The following EHBP1L1 variants were observed in gnomAD, a reference collection of about 807,000 sequenced individuals.
EHBP1L1 encodes EH domain-binding protein 1-like protein 1.
Under a neutral mutation model 151.1 loss-of-function variants are expected in EHBP1L1, and 122 were observed. The observed-to-expected ratio is 0.81, with a 90% CI of 0.70 to 0.94. The LOEUF is 0.94. Ranked by LOEUF, EHBP1L1 falls within the 40% of genes least tolerant of loss-of-function variation. The probability of loss-of-function intolerance (pLI) is 0.00; values close to 1 mark genes in which losing one functional copy is unlikely to be tolerated. For synonymous variants in EHBP1L1, 878 were observed against 810.1 expected (o/e 1.08, Z -1.42); for missense variants, 1,941 against 1,959.8 (o/e 0.99, Z 0.18).
At position 65,585,605 on chromosome 11, in the gene EHBP1L1, T is replaced by G. The variant is rs1590829947; in HGVS notation, c.3933+14T>G. ...GCTGCGGCTGCAGTGAGTGTCAAGGTCCTTCTTTCTTCCCCCGCCGCAGCG... is the reference window on the plus strand; with the variant it reads ...GCTGCGGCTGCAGTGAGTGTCAAGGGCCTTCTTTCTTCCCCCGCCGCAGCG... On this transcript the variant is annotated intron_variant, in intron 12 of 18. Coordinates refer to ENST00000309295, the MANE Select transcript of EHBP1L1 (RefSeq NM_001099409.3). This position sits in a 1 kb window ranked among gnomAD's most constrained non-coding sequence, Gnocchi z 4.0. 1 of 1,560,716 alleles carries G rather than the reference T, an allele frequency of 6.4e-7. No individual in the cohort carries two copies. Among genetic ancestry groups the G allele is most frequent in the Non-Finnish European group, 8.6e-7 (1 of 1,160,514 alleles).
chr11:65,590,191 G>A lies in EHBP1L1; in HGVS notation c.4164G>A (p.Leu1388=), dbSNP rs187407104. 2 of 1,613,578 alleles carry A rather than the reference G, an allele frequency of 1.2e-6. No homozygotes were observed. The highest frequency in any genetic ancestry group is 1.3e-5 in the African/African-American group (1 of 75,044). The change falls in exon 15 of 19, where the codon CTG becomes CTA. Residue 1388 remains leucine, a synonymous_variant. Coordinates refer to ENST00000309295, the MANE Select transcript of EHBP1L1 (RefSeq NM_001099409.3). ...DGRAAEVEMQ[L]RSLMESGANK... Reference sequence around the variant, plus strand: ...GGGCGGCTGAGGTGGAGATGCAGCTGAGGAGCCTCATGGAGTCAGGTGGGG... The same window carrying A: ...GGGCGGCTGAGGTGGAGATGCAGCTAAGGAGCCTCATGGAGTCAGGTGGGG...
chr11:65,584,671 A>G, intron 11 of EHBP1L1, 137 bp downstream of exon 11: 8 of 1,205,568 alleles, frequency 6.6e-6, no homozygotes, highest in Non-Finnish European at 9.4e-6. Context: ...CCCTTTGGTC[A>G]TTAAATTGTT....
At position 65,578,652 on chromosome 11, in the gene EHBP1L1, CT is replaced by C. The variant is rs1857435520; in HGVS notation, c.105-423del. Among the ~76,000 whole-genome samples, 5 of 152,342 alleles carry C rather than the reference CT, an allele frequency of 3.3e-5. No homozygotes were observed. In the South Asian group the frequency reaches 1.0e-3, roughly 32 times the overall value. On this transcript the variant is annotated intron_variant, in intron 1 of 18. Coordinates refer to ENST00000309295, the MANE Select transcript of EHBP1L1 (RefSeq NM_001099409.3). The stretch of plus-strand genomic sequence containing the variant: ...TTTATGGTGGGCGCTCCACAAACAT[CT>C]TTGTGCGAAGGGACTTCTTTTATCC...
chr11:65,576,429 G>A, intron 1 of EHBP1L1, 23 bp downstream of exon 1: 2 of 1,553,634 alleles, frequency 1.3e-6, no homozygotes, highest in South Asian at 1.2e-5. Flanking sequence ...GAGGCGGGGG[G>A]GCTCCCCCGA....
At position 65,581,050 on chromosome 11, in the gene EHBP1L1, A is replaced by G. The variant is rs765021477; in HGVS notation, c.635-8A>G. On this transcript the variant is annotated splice_polypyrimidine_tract_variant and splice_region_variant and intron_variant, in intron 6 of 18. Coordinates refer to ENST00000309295, the MANE Select transcript of EHBP1L1 (RefSeq NM_001099409.3). ...CTCTGCCCTTCTCCCCTCTCCTACC[A>G]TTCCCAGATCCCTCTCGAGAGCTGA... 6.2e-6 allele frequency: 10 copies of G among 1,602,440 alleles called. No homozygotes were observed. Among genetic ancestry groups the G allele is most frequent in the Admixed American group, 3.4e-5 (2 of 58,316 alleles).
At chr11:65,584,132 C>A in intron 9 of EHBP1L1, 109 bp from the exon 10 acceptor site, 2 of 1,512,506 alleles carry the variant, frequency 1.3e-6, no homozygotes, top group Non-Finnish European at 1.8e-6. Flanking sequence ...TCTGGTGACC[C>A]CTGCAAGCTC....
chr11:65,582,694 G>C lies in EHBP1L1; in HGVS notation c.2022G>C (p.Glu674Asp). 1.2e-6 allele frequency: 2 copies of C among 1,613,666 alleles called. No individual in the cohort carries two copies. Among genetic ancestry groups the C allele is most frequent in the Non-Finnish European group, 1.7e-6 (2 of 1,179,862 alleles). Residue 674 changes from glutamate to aspartate, a missense_variant, in exon 9 of 19, where the codon GAG becomes GAC. Coordinates refer to ENST00000309295, the MANE Select transcript of EHBP1L1 (RefSeq NM_001099409.3). ...CAAGAACTACGATAGCAGAGACTGA[G>C]GTACTGGTGACCCAGGAGATATCTG... Reference protein sequence around the residue: ...LQTRTTIAETEVLVTQEISGD... With the variant: ...LQTRTTIAETDVLVTQEISGD...
chr11:65,584,126 G>A, intron 9 of EHBP1L1, 115 bp from the exon 10 acceptor site: 1 of 1,504,888 alleles, frequency 6.6e-7, no homozygotes, highest in South Asian at 1.4e-5. Flanking sequence ...GTGGTCTCTG[G>A]TGACCCCTGC....
rs866743237 is a variant in EHBP1L1, at chr11:65,583,238, G to A, written c.2566G>A (p.Ala856Thr). The stretch of plus-strand genomic sequence containing the variant: ...GGGTTCAGGGATCTCAGGGCCCGAG[G>A]CTGGAATGGCAGAGGCCCGAGTACT... ...VGGSGISGPE[A>T]GMAEARVLMT... is the part of the protein sequence containing the mutation. Residue 856 changes from alanine (A) to threonine (T), a missense_variant, in exon 9 of 19, where the codon GCT becomes ACT. Transcript: ENST00000309295. The A allele has an allele frequency of 6.8e-6, 11 of 1,613,432 alleles. No homozygotes were observed. Among genetic ancestry groups the A allele is most frequent in the Non-Finnish European group, 9.3e-6 (11 of 1,179,798 alleles).
In EHBP1L1 at chr11:65,585,205, C is replaced by A; in HGVS notation, c.3547C>A (p.Arg1183Ser). 8.5e-7 allele frequency: 1 copy of A among 1,177,614 alleles called. No homozygotes were observed. Among genetic ancestry groups the A allele is most frequent in the South Asian group, 2.9e-5 (1 of 34,970 alleles). The allele number at this position is 1,177,614 out of a possible 1,614,324, so 72.9% of individuals were successfully genotyped here. Residue 1183 changes from arginine to serine, a missense_variant, in exon 12 of 19, where the codon CGC (arginine) becomes AGC (serine). Physicochemically the swap from Arg to Ser is moderately radical, Grantham distance 110 (BLOSUM62 -1). Transcript: ENST00000309295. The surrounding 1 kb of genome is among the most constrained non-coding windows in gnomAD (Gnocchi z 4.0). ...LDAGGLAQRLRGHGAEGPQEP... is the reference protein window; with the variant it reads ...LDAGGLAQRLSGHGAEGPQEP... ...CGCCGGAGGCCTGGCGCAGCGGCTG[C>A]GCGGTCACGGGGCCGAGGGGCCCCA...
Position 65,579,399 on chromosome 11 carries a change from T to C in EHBP1L1, c.221T>C (p.Val74Ala). The C allele has an allele frequency of 6.4e-7, 1 of 1,573,740 alleles. No individual in the cohort carries two copies. The highest frequency in any genetic ancestry group is 8.6e-7 in the Non-Finnish European group (1 of 1,159,050). ...TACCGGGGCACCGTGGTGTGGATGG[T>C]ACCTGAGAATGTGGACATCTCTGTG... is the stretch of plus-strand genomic sequence containing the variant. ...NPYRGTVVWMVPENVDISVTL... is the reference protein window; with the variant it reads ...NPYRGTVVWMAPENVDISVTL... Residue 74 changes from valine to alanine, a missense_variant, in exon 3 of 19, where the codon GTA becomes GCA. Val to Ala is a moderately conservative substitution (Grantham distance 64). Transcript: ENST00000309295.
rs1857935679 is a variant in EHBP1L1, at chr11:65,585,707, G to A, written c.3933+116G>A. 8 of 1,460,292 alleles carry A rather than the reference G, an allele frequency of 5.5e-6. No individual in the cohort carries two copies. Among genetic ancestry groups the A allele is most frequent in the East Asian group, 2.6e-5 (1 of 38,822 alleles). 90.5% of individuals were successfully genotyped at this position (1,460,292 alleles called of 1,614,324 possible). Reference sequence around the variant, plus strand: ...AGGACAGAGCTGGCGCGAGGGTGACGGTTTCAGAGTGGCGGGGCTCGGCTG... The same window carrying A: ...AGGACAGAGCTGGCGCGAGGGTGACAGTTTCAGAGTGGCGGGGCTCGGCTG... On this transcript the variant is annotated intron_variant, in intron 12 of 18. Coordinates refer to ENST00000309295, the MANE Select transcript of EHBP1L1 (RefSeq NM_001099409.3). The surrounding 1 kb of genome is among the most constrained non-coding windows in gnomAD (Gnocchi z 4.0).
At chr11:65,588,203 T>C (rs1858074740) in intron 12 of EHBP1L1, among the ~76,000 whole-genome samples, 1 of 151,656 alleles carries the variant, frequency 6.6e-6, no homozygotes, top group Non-Finnish European at 1.5e-5. Flanking sequence ...CTGGAGGAAG[T>C]AGGGCTGGGC....
In EHBP1L1 at chr11:65,592,106, C is replaced by CGGCGCTGGGA. The variant is rs757030904; in HGVS notation, c.4472+18_4472+27dup. On this transcript the variant is annotated intron_variant, in intron 18 of 18. Transcript: ENST00000309295. ...AGGAGCGGATGTGAGTGGCGCTGGG[C>CGGCGCTGGGA]GGCGCTGGGAGTTGGGAGGGTCCGG... 5.0e-5 allele frequency: 81 copies of CGGCGCTGGGA among 1,612,038 alleles called. 2 individuals are homozygous for CGGCGCTGGGA. The highest frequency in any genetic ancestry group is 2.8e-4 in the Admixed American group (17 of 59,970).
chr11:65,581,641 G>C lies in EHBP1L1; in HGVS notation c.969G>C (p.Glu323Asp). ...CCCCAGTCCCCCAGGGGGAAGATGA[G>C]GTCCCCAAAGCCTCAGGGGCTCCTC... ...LRPPVPQGED[E>D]VPKASGAPPA... The change falls in exon 9 of 19, where the codon GAG (glutamate) becomes GAC (aspartate). Residue 323 changes from glutamate (E) to aspartate (D), a missense_variant. By Grantham distance (45) the Glu-to-Asp change is conservative. Coordinates refer to ENST00000309295, the MANE Select transcript of EHBP1L1 (RefSeq NM_001099409.3). The C allele has an allele frequency of 6.4e-7, 1 of 1,554,298 alleles. No homozygotes were observed. Among genetic ancestry groups the C allele is most frequent in the East Asian group, 2.4e-5 (1 of 41,702 alleles).
chr11:65,580,924 G>GCAGGC, intron 6 of EHBP1L1, 134 bp from the exon 7 acceptor site: 1 of 1,437,072 alleles, frequency 7.0e-7, no homozygotes, highest in Non-Finnish European at 9.1e-7. Flanking sequence ...GTCTCTTCTC[G>GCAGGC]CAGGCCGGGG....
At chr11:65,577,114 G>A (rs948536626) in intron 1 of EHBP1L1, among the ~76,000 whole-genome samples, 1 of 152,166 alleles carries the variant, frequency 6.6e-6, no homozygotes, top group Non-Finnish European at 1.5e-5. Context: ...ACAGGTTCAG[G>A]GGCATCTCGT....
Position 65,581,548 on chromosome 11 carries a change from GCAGC to G in EHBP1L1, c.882_885del (p.Ala295ArgfsTer137), listed in dbSNP as rs769744546. The G allele has an allele frequency of 7.4e-6, 11 of 1,495,506 alleles. No homozygotes were observed. The highest frequency in any genetic ancestry group is 9.8e-6 in the Non-Finnish European group (11 of 1,124,706). The allele number at this position is 1,495,506 out of a possible 1,614,324, so 92.6% of individuals were successfully genotyped here. A position where few individuals can be genotyped will look rare whatever the true frequency, so the allele number is the denominator to read the frequency against. Reference sequence around the variant, plus strand: ...CCTGCTCTCTTCTCAGGTCTTCAAGGCAGCCAGCCCAGGACACGGCCCCCACCCC... The same window carrying G: ...CCTGCTCTCTTCTCAGGTCTTCAAGGCAGCCCAGGACACGGCCCCCACCCC... On this transcript the variant is annotated frameshift_variant, in exon 9 of 19. Coordinates refer to ENST00000309295, the MANE Select transcript of EHBP1L1 (RefSeq NM_001099409.3). LOFTEE classifies it high-confidence loss of function.
At chr11:65,587,429 C>A (rs1000694424) in intron 12 of EHBP1L1, among the ~76,000 whole-genome samples, 4 of 152,090 alleles carry the variant, frequency 2.6e-5, no homozygotes, top group Non-Finnish European at 5.9e-5. Flanking sequence ...GGAATTCCCA[C>A]GAGGCCTGGC....
Sources: gnomAD v4.1 joint callset for allele counts (sites outside exome capture counted in the v4.1 genomes callset) on GRCh38, gnomAD v4.1.1 for gene constraint, Gnocchi (gnomAD v3.1) non-coding constraint, MANE v1.5 for transcripts, NCBI Gene and HGNC (gene_info 2026-07-23, HGNC 2026-07-21) for gene names.